Variants in PTPRD observed in about 807,000 individuals in gnomAD.
PTPRD encodes receptor-type tyrosine-protein phosphatase delta.
Under a neutral mutation model 214.5 loss-of-function variants are expected in PTPRD, and 34 were observed. The observed-to-expected ratio is 0.16, with a 90% CI of 0.12 to 0.21. The LOEUF (loss-of-function observed/expected upper bound fraction) is 0.21. Ranked by LOEUF, PTPRD falls within the 10% of genes least tolerant of loss-of-function variation. The pLI, the probability that PTPRD is intolerant of heterozygous loss-of-function variation, is 1.00. For missense variants in PTPRD, 2,545 were observed against 2,398.7 expected (o/e 1.06, Z -1.27); for synonymous variants, 1,128 against 845.7 (o/e 1.33, Z -5.79).
chr9:9,218,383 C>G (rs1181575048), intron 9 of PTPRD, among the ~76,000 whole-genome samples: 1 of 152,154 alleles, frequency 6.6e-6, no homozygotes, highest in Non-Finnish European at 1.5e-5. Flanking sequence ...TAAAACAAGA[C>G]TAGTGGCCAT....
chr9:8,653,550 C>T (rs371455420), intron 12 of PTPRD, among the ~76,000 whole-genome samples: 1 of 152,108 alleles, frequency 6.6e-6, no homozygotes, highest in Non-Finnish European at 1.5e-5. Flanking sequence ...CCAGTCTGTT[C>T]TGAATGGCTA....
chr9:10,369,182 G>C (rs1478995857), intron 2 of PTPRD, among the ~76,000 whole-genome samples: 2 of 151,978 alleles, frequency 1.3e-5, no homozygotes, highest in African/African-American at 2.4e-5. Context: ...TTTCCTCTTA[G>C]GGTCCATTTA....
chr9:9,909,669 ACTTTT>A (rs1435335049), intron 5 of PTPRD, among the ~76,000 whole-genome samples: 4 of 152,074 alleles, frequency 2.6e-5, no homozygotes, highest in East Asian at 3.9e-4. Context: ...ATATTGTCAG[ACTTTT>A]CTTTATAGTG....
rs150414710 is a variant in PTPRD, at chr9:9,289,465, C to T, written c.-202-106102G>A. Among the ~76,000 whole-genome samples the T allele has an allele frequency of 5.2e-3, 788 of 151,898 alleles. 6 individuals carry two copies. Among genetic ancestry groups the T allele is most frequent in the African/African-American group, 0.018 (751 of 41,512 alleles). ...AAATCCATTAACATATCTATCACTA[C>T]CCACAGTTACTATTTGCATGTGTGT... is the stretch of plus-strand genomic sequence containing the variant. On this transcript the variant is annotated intron_variant, in intron 9 of 45. Coordinates refer to ENST00000381196, the MANE Select transcript of PTPRD (RefSeq NM_002839.4).
chr9:8,480,482 A>G (rs143718226), intron 30 of PTPRD, among the ~76,000 whole-genome samples: 50 of 152,234 alleles, frequency 3.3e-4, no homozygotes, highest in African/African-American at 1.1e-3. Context: ...CCAATTAACT[A>G]TGCTGTATGA....
At chr9:9,580,531 TA>T (rs1340448670) in intron 7 of PTPRD, among the ~76,000 whole-genome samples, 1 of 150,544 alleles carries the variant, frequency 6.6e-6, no homozygotes, top group Non-Finnish European at 1.5e-5. Flanking sequence ...TTCATGTCCT[TA>T]GCTTACTTTA....
At chr9:9,212,053 T>C (rs554429838) in intron 9 of PTPRD, among the ~76,000 whole-genome samples, 419 of 152,270 alleles carry the variant, frequency 2.8e-3, no homozygotes, top group Non-Finnish European at 4.4e-3. Flanking sequence ...ATAAGAACAA[T>C]AGCATCAAAA....
chr9:9,686,292 A>G (rs1054392607), intron 7 of PTPRD, among the ~76,000 whole-genome samples: 3 of 77,814 alleles, frequency 3.9e-5, no homozygotes. Flanking sequence ...TGTATGTATG[A>G]ATTATTTTTT....
chr9:9,431,477 A>G (rs960668894), intron 8 of PTPRD, among the ~76,000 whole-genome samples: 2 of 152,166 alleles, frequency 1.3e-5, no homozygotes, highest in African/African-American at 4.8e-5. Context: ...TAGTTCAACC[A>G]TTGTGGAAGA....
intron 34 of PTPRD, among the ~76,000 whole-genome samples, chr9:8,444,161 C>T (rs1381444098): frequency 6.6e-6 from 1 of 152,118 alleles, no homozygotes; most frequent in Non-Finnish European, 1.5e-5. Context: ...CAGTAATGCT[C>T]ATTACAGTAG....
chr9:9,250,497 G>A (rs1286139805), intron 9 of PTPRD, among the ~76,000 whole-genome samples: 1 of 152,064 alleles, frequency 6.6e-6, no homozygotes, highest in Non-Finnish European at 1.5e-5. Flanking sequence ...TAGCTCTTTA[G>A]ATTTTAACAA....
chr9:9,028,425 C>A (rs2099594295), intron 10 of PTPRD, among the ~76,000 whole-genome samples: 1 of 151,890 alleles, frequency 6.6e-6, no homozygotes, highest in African/African-American at 2.4e-5. Context: ...TTTCATTTAT[C>A]CTTCTAAAAC....
At chr9:9,336,225 G>C (rs1595968610) in intron 9 of PTPRD, among the ~76,000 whole-genome samples, 1 of 151,170 alleles carries the variant, frequency 6.6e-6, no homozygotes, top group African/African-American at 2.5e-5. Flanking sequence ...CCTCCAGAGA[G>C]AGTTACACAT....
chr9:8,621,900 T>C (rs1359083245), intron 14 of PTPRD, among the ~76,000 whole-genome samples: 1 of 151,954 alleles, frequency 6.6e-6, no homozygotes, highest in Non-Finnish European at 1.5e-5. Context: ...TGTTCCTGTT[T>C]TGGAGTACAG....
chr9:9,969,583 A>G (rs1191613883), intron 4 of PTPRD, among the ~76,000 whole-genome samples: 1 of 152,212 alleles, frequency 6.6e-6, no homozygotes, highest in Admixed American at 6.5e-5. Context: ...TGTGAACATT[A>G]TATTGTAAAC....
At chr9:9,742,387 G>T (rs925618351) in intron 6 of PTPRD, among the ~76,000 whole-genome samples, 26 of 152,224 alleles carry the variant, frequency 1.7e-4, no homozygotes, top group African/African-American at 6.0e-4. Flanking sequence ...CTTTCGTAGA[G>T]AAATGTATGC....
intron 11 of PTPRD, among the ~76,000 whole-genome samples, chr9:8,878,623 G>C (rs910233307): frequency 6.6e-5 from 10 of 152,020 alleles, no homozygotes; most frequent in Non-Finnish European, 1.3e-4. Context: ...AAACTTCCAG[G>C]CTCAAGCAGT....
Position 8,666,237 on chromosome 9 carries a change from T to C in PTPRD, c.65-29393A>G, listed in dbSNP as rs746689494. Among the ~76,000 whole-genome samples the C allele has an allele frequency of 3.3e-5, 5 of 152,342 alleles. No homozygotes were observed. The South Asian group carries it at 6.2e-4, about 19-fold the overall frequency. ...CATTTGAGCAAATCATTAAACATAC[T>C]AGAACAAGAACCTACAACTAAAATG... On this transcript the variant is annotated intron_variant, in intron 12 of 45. Transcript: ENST00000381196.
chr9:9,937,956 C>T (rs985809730), intron 5 of PTPRD, among the ~76,000 whole-genome samples: 5 of 152,112 alleles, frequency 3.3e-5, no homozygotes, highest in Admixed American at 3.3e-4. Context: ...TGGATCATAA[C>T]TGGAATTGGA....
Sources: allele counts gnomAD v4.1 joint callset (sites outside exome capture counted in the v4.1 genomes callset), GRCh38; gene constraint gnomAD v4.1.1; transcripts MANE v1.5; gene names NCBI Gene and HGNC (gene_info 2026-07-23, HGNC 2026-07-21).